Variants in SPATS2L observed in about 807,000 individuals in gnomAD.
The protein encoded by SPATS2L is SPATS2-like protein.
In SPATS2L, 30 loss-of-function variants were observed where a neutral mutation model predicts 59.6. That is an observed-to-expected ratio of 0.50 (90% CI 0.38 to 0.68). The LOEUF (loss-of-function observed/expected upper bound fraction) is 0.68. Ranked by LOEUF, SPATS2L falls within the 30% of genes least tolerant of loss-of-function variation. The pLI is 0.00. For missense variants in SPATS2L, 615 were observed against 700.0 expected (o/e 0.88, Z 1.37); for synonymous variants, 252 against 263.5 (o/e 0.96, Z 0.42).
chr2:200,328,143 TG>T (rs2079817406), intron 1 of SPATS2L, among the ~76,000 whole-genome samples: 1 of 152,168 alleles, frequency 6.6e-6, no homozygotes, highest in Non-Finnish European at 1.5e-5. Context: ...TTGGGGCACG[TG>T]GATCCTGGGT....
intron 2 of SPATS2L, among the ~76,000 whole-genome samples, chr2:200,346,889 T>C (rs2080529930): frequency 6.6e-6 from 1 of 152,010 alleles, no homozygotes; most frequent in Non-Finnish European, 1.5e-5. Flanking sequence ...CAACACTTTT[T>C]CAGTATCTAA....
intron 1 of SPATS2L, among the ~76,000 whole-genome samples, chr2:200,308,409 A>G (rs1242570712): frequency 6.6e-6 from 1 of 152,172 alleles, no homozygotes; most frequent in Non-Finnish European, 1.5e-5. Context: ...ATATCTGTGT[A>G]TGATATTCTT....
At chr2:200,450,192 T>G (rs74477082) in intron 8 of SPATS2L, among the ~76,000 whole-genome samples, 48 of 152,330 alleles carry the variant, frequency 3.2e-4, no homozygotes, top group African/African-American at 1.1e-3. Flanking sequence ...TGAAAATTCA[T>G]ATATAAGTAA....
chr2:200,368,682 C>T (rs901769429), intron 2 of SPATS2L, among the ~76,000 whole-genome samples: 3 of 152,098 alleles, frequency 2.0e-5, no homozygotes, highest in African/African-American at 7.2e-5. Context: ...GTGGATATAG[C>T]AGACATGTAT....
chr2:200,469,835 G>A lies in SPATS2L; in HGVS notation c.958-79G>A, dbSNP rs968425487. ...CAGCACTGCAGTGGACACCGGAAGA[G>A]CAGAGTGAACGCATCCACGGGGGTG... On this transcript the variant is annotated intron_variant, in intron 10 of 12. Transcript: ENST00000409140. The A allele has an allele frequency of 4.1e-5, 44 of 1,068,838 alleles. No homozygotes were observed. In the East Asian group the frequency reaches 1.1e-3, roughly 27 times the overall value. The allele number at this position is 1,068,838 out of a possible 1,614,324, so 66.2% of individuals were successfully genotyped here. A position where few individuals can be genotyped will look rare whatever the true frequency, so the allele number is the denominator to read the frequency against.
intron 2 of SPATS2L, among the ~76,000 whole-genome samples, chr2:200,350,850 A>G (rs928433804): frequency 1.3e-5 from 2 of 152,130 alleles, no homozygotes; most frequent in Non-Finnish European, 2.9e-5. Flanking sequence ...TTAAATTTTA[A>G]GTAGACCTAA....
At chr2:200,374,572 G>GACACAC (rs138878768) in intron 2 of SPATS2L, among the ~76,000 whole-genome samples, 13 of 151,614 alleles carry the variant, frequency 8.6e-5, no homozygotes, top group African/African-American at 3.2e-4. Context: ...TTGTCACAGG[G>GACACAC]ACACACACAC....
chr2:200,450,011 C>T (rs1016667748), intron 8 of SPATS2L, among the ~76,000 whole-genome samples: 4 of 152,272 alleles, frequency 2.6e-5, no homozygotes, highest in East Asian at 1.9e-4. Context: ...TAATGAAAGA[C>T]GCATTTTCCA....
At chr2:200,408,020 A>G (rs1031125233) in intron 3 of SPATS2L, among the ~76,000 whole-genome samples, 2 of 152,220 alleles carry the variant, frequency 1.3e-5, no homozygotes, top group Admixed American at 1.3e-4. Context: ...GTTGCCTACC[A>G]TCTGGGAGAC....
intron 2 of SPATS2L, among the ~76,000 whole-genome samples, chr2:200,366,717 G>A (rs768252652): frequency 5.7e-4 from 87 of 152,310 alleles, no homozygotes; most frequent in Admixed American, 7.8e-4. Context: ...TGTGATGTCT[G>A]CTTAGCTAAC....
chr2:200,369,078 TA>T (rs11383455), intron 2 of SPATS2L, among the ~76,000 whole-genome samples: 194 of 126,238 alleles, frequency 1.5e-3, no homozygotes, highest in Middle Eastern at 0.011. Context: ...TTGATAGTTC[TA>T]AAAAAAAAAA....
At chr2:200,394,381 G>T (rs747278875) in intron 3 of SPATS2L, among the ~76,000 whole-genome samples, 1 of 152,080 alleles carries the variant, frequency 6.6e-6, no homozygotes, top group Non-Finnish European at 1.5e-5. Flanking sequence ...TGAATGATTC[G>T]CCCTTCCTCT....
intron 6 of SPATS2L, 128 bp from the exon 7 acceptor site, chr2:200,438,994 A>G: frequency 7.2e-6 from 5 of 690,774 alleles, no homozygotes; most frequent in Non-Finnish European, 1.3e-5. Context: ...CAGTTTCTTG[A>G]CTGTTTGCAA....
chr2:200,359,834 C>A (rs1056869888), intron 2 of SPATS2L, among the ~76,000 whole-genome samples: 8 of 152,166 alleles, frequency 5.3e-5, no homozygotes, highest in Non-Finnish European at 1.0e-4. Flanking sequence ...GGCTGTGAAC[C>A]AGGGCCCTTC....
chr2:200,447,520 A>T (rs1481460637), intron 8 of SPATS2L, among the ~76,000 whole-genome samples: 2 of 152,244 alleles, frequency 1.3e-5, no homozygotes, highest in Non-Finnish European at 2.9e-5. Flanking sequence ...AACAGGTCCT[A>T]GAATCAGATC....
rs915439966 is a variant in SPATS2L, at chr2:200,314,658, C to T, written c.-73+7736C>T. The stretch of plus-strand genomic sequence containing the variant: ...TCCTGGTCCCCACTGTCTGCCCCTG[C>T]CCGTAGCATCTCCACTAAAGGAAAG... On this transcript the variant is annotated intron_variant, in intron 1 of 12. Coordinates refer to ENST00000409140, the MANE Select transcript of SPATS2L (RefSeq NM_001100423.2). Among the ~76,000 whole-genome samples, 8 of 152,170 alleles carry T rather than the reference C, an allele frequency of 5.3e-5. No homozygotes were observed. The East Asian group carries it at 1.5e-3, about 29-fold the overall frequency.
chr2:200,477,927 G>A lies in SPATS2L; in HGVS notation c.1573G>A (p.Gly525Ser). 2 of 1,612,100 alleles carry A rather than the reference G, an allele frequency of 1.2e-6. No homozygotes were observed. Among genetic ancestry groups the A allele is most frequent in the Non-Finnish European group, 1.7e-6 (2 of 1,179,758 alleles). Residue 525 changes from glycine (G) to serine (S), a missense_variant, in exon 13 of 13, where the codon GGT (glycine) becomes AGT (serine). Gly to Ser is a moderately conservative substitution (Grantham distance 56). Transcript: ENST00000409140. ...CACCTCGGAGGCCAGGCCCTTCCGGGGTAGTGTCGGTAGGGTTTCACAGTG... is the reference window on the plus strand; with the variant it reads ...CACCTCGGAGGCCAGGCCCTTCCGGAGTAGTGTCGGTAGGGTTTCACAGTG... ...ADTSEARPFR[G>S]SVGRVSQCNL... is the part of the protein sequence containing the mutation.
At chr2:200,348,123 G>T (rs766863542) in intron 2 of SPATS2L, among the ~76,000 whole-genome samples, 1 of 152,132 alleles carries the variant, frequency 6.6e-6, no homozygotes, top group Non-Finnish European at 1.5e-5. Flanking sequence ...AATTTAAAAC[G>T]ACTTGTGATA....
intron 2 of SPATS2L, among the ~76,000 whole-genome samples, chr2:200,337,983 G>T (rs1293443064): frequency 6.6e-6 from 1 of 152,090 alleles, no homozygotes; most frequent in African/African-American, 2.4e-5. Flanking sequence ...TCTATATATT[G>T]GTGATTAATT....
Sources: allele counts gnomAD v4.1 joint callset (sites outside exome capture counted in the v4.1 genomes callset), GRCh38; gene constraint gnomAD v4.1.1; transcripts MANE v1.5; gene names NCBI Gene and HGNC (gene_info 2026-07-23, HGNC 2026-07-21).